The following PLXNA4 variants were observed in gnomAD, a reference collection of about 807,000 sequenced individuals.
The protein encoded by PLXNA4 is plexin-A4.
A neutral mutation model predicts 191.8 loss-of-function variants in PLXNA4; 44 were observed. The ratio of observed to expected loss-of-function variants is 0.23; its 90% CI spans 0.18 to 0.29. The LOEUF is 0.29. PLXNA4 is among the 10% of genes least tolerant of loss of function. The pLI, the probability that PLXNA4 is intolerant of heterozygous loss-of-function variation, is 1.00. For synonymous variants in PLXNA4, 1,082 were observed against 1,009.5 expected, an observed-to-expected ratio of 1.07 and a Z score of -1.36; for missense variants, 1,800 against 2,488.8, an observed-to-expected ratio of 0.72 and a Z score of 5.89.
At chr7:132,150,306 G>A (rs543804601) in intron 25 of PLXNA4, among the ~76,000 whole-genome samples, 1 of 152,286 alleles carries the variant, frequency 6.6e-6, no homozygotes, top group Non-Finnish European at 1.5e-5. Flanking sequence ...TTATTTTATG[G>A]AGGTATGCAT....
intron 1 of PLXNA4, among the ~76,000 whole-genome samples, chr7:132,535,363 G>A (rs1051672618): frequency 6.6e-6 from 1 of 152,224 alleles, no homozygotes; most frequent in Non-Finnish European, 1.5e-5. Flanking sequence ...CAGAGGCAGA[G>A]GAGGGGCTGT....
At chr7:132,572,690 G>A (rs1004470018) in intron 1 of PLXNA4, among the ~76,000 whole-genome samples, 18 of 152,252 alleles carry the variant, frequency 1.2e-4, no homozygotes, top group Non-Finnish European at 2.1e-4. Context: ...CCTTCCTACC[G>A]CAACTTGAAT....
chr7:132,536,794 C>T (rs1215218102), intron 1 of PLXNA4, among the ~76,000 whole-genome samples: 1 of 152,198 alleles, frequency 6.6e-6, no homozygotes, highest in Non-Finnish European at 1.5e-5. Flanking sequence ...CTGCCCTAAA[C>T]GTATGGCTGA....
chr7:132,572,115 C>A (rs1191187213), intron 1 of PLXNA4, among the ~76,000 whole-genome samples: 1 of 152,192 alleles, frequency 6.6e-6, no homozygotes, highest in East Asian at 1.9e-4. Flanking sequence ...GGCAGCAGTA[C>A]AGTGAGCACA....
At chr7:132,401,438 C>T (rs532028734) in intron 3 of PLXNA4, among the ~76,000 whole-genome samples, 1 of 152,324 alleles carries the variant, frequency 6.6e-6, no homozygotes, top group Admixed American at 6.5e-5. Context: ...AACCTTTGCT[C>T]ATGAAGGTTG....
intron 2 of PLXNA4, among the ~76,000 whole-genome samples, chr7:132,595,781 G>C (rs771718972): frequency 2.0e-5 from 3 of 152,124 alleles, no homozygotes; most frequent in Non-Finnish European, 2.9e-5. Flanking sequence ...AACTGTTTAA[G>C]ATTAATAAAA....
Position 132,129,489 on chromosome 7 carries a change from T to C in PLXNA4, c.*990A>G, listed in dbSNP as rs915937934. 2 of 152,236 alleles carry C rather than the reference T, an allele frequency of 1.3e-5. No individual in the cohort carries two copies. The highest frequency in any genetic ancestry group is 2.9e-5 in the Non-Finnish European group (2 of 68,088). 9.4% of individuals were successfully genotyped at this position (152,236 alleles called of 1,614,324 possible). On this transcript the variant is annotated 3_prime_UTR_variant, in exon 32 of 32. Coordinates refer to ENST00000321063, the MANE Select transcript of PLXNA4 (RefSeq NM_020911.2). ...TCCTAGATGCACTCTGCATTTCACG[T>C]TGACCCTTGATGAAGGTTGACAAAG...
At chr7:132,134,581 G>A (rs1177379739) in intron 30 of PLXNA4, among the ~76,000 whole-genome samples, 3 of 152,178 alleles carry the variant, frequency 2.0e-5, no homozygotes, top group Admixed American at 2.0e-4. Flanking sequence ...GTGCTCCCTG[G>A]CAAGGGAAGG....
intron 3 of PLXNA4, among the ~76,000 whole-genome samples, chr7:132,351,577 A>G (rs1803487846): frequency 6.6e-6 from 1 of 152,216 alleles, no homozygotes; most frequent in Admixed American, 6.5e-5. Flanking sequence ...TCTCATCCAA[A>G]GGTGCATGCC....
At chr7:132,248,958 C>T (rs1799152301) in intron 4 of PLXNA4, among the ~76,000 whole-genome samples, 1 of 152,226 alleles carries the variant, frequency 6.6e-6, no homozygotes, top group Non-Finnish European at 1.5e-5. Flanking sequence ...GCTAATCCAG[C>T]TGGGCCTCAC....
At chr7:132,554,278 G>A (rs1474187482) in intron 1 of PLXNA4, among the ~76,000 whole-genome samples, 1 of 152,174 alleles carries the variant, frequency 6.6e-6, no homozygotes, top group African/African-American at 2.4e-5. Flanking sequence ...GTGTGACAAT[G>A]AGGTGCCCCT....
chr7:132,563,568 TTCATCC>T (rs1801487270), intron 1 of PLXNA4, among the ~76,000 whole-genome samples: 1 of 70,926 alleles, frequency 1.4e-5, no homozygotes, highest in African/African-American at 5.2e-5. Flanking sequence ...CCTTCTCCTC[TTCATCC>T]TCCTCCTCCT....
chr7:132,615,430 T>C (rs1212685601), intron 2 of PLXNA4, among the ~76,000 whole-genome samples: 1 of 152,052 alleles, frequency 6.6e-6, no homozygotes, highest in African/African-American at 2.4e-5. Context: ...CTGGGGCTGC[T>C]CCCACCACCG....
chr7:132,198,403 C>G (rs1584830308), intron 13 of PLXNA4, 82 bp downstream of exon 13: 1 of 1,518,648 alleles, frequency 6.6e-7, no homozygotes, highest in East Asian at 2.3e-5. Context: ...TCTGAGAGCA[C>G]CTAGTTGCTG....
At chr7:132,523,944 C>G (rs1799294277) in intron 1 of PLXNA4, among the ~76,000 whole-genome samples, 1 of 152,184 alleles carries the variant, frequency 6.6e-6, no homozygotes, top group African/African-American at 2.4e-5. Flanking sequence ...GAGGGCCCAC[C>G]TGGCCCAGGT....
At chr7:132,440,130 A>G (rs1292484011) in intron 3 of PLXNA4, among the ~76,000 whole-genome samples, 2 of 152,156 alleles carry the variant, frequency 1.3e-5, no homozygotes, top group Admixed American at 6.5e-5. Context: ...ACAAAAACAA[A>G]TTTTGAGCTT....
chr7:132,257,471 G>A (rs1799473200), intron 4 of PLXNA4, among the ~76,000 whole-genome samples: 1 of 152,156 alleles, frequency 6.6e-6, no homozygotes, highest in South Asian at 2.1e-4. Flanking sequence ...ACCCAGCAGG[G>A]GCTGGTATGT....
intron 10 of PLXNA4, among the ~76,000 whole-genome samples, chr7:132,209,823 G>A (rs940598278): frequency 6.6e-6 from 1 of 152,180 alleles, no homozygotes. Flanking sequence ...ATAGGAAGCA[G>A]TGTGACATAG....
At chr7:132,176,744 G>A (rs1796477961) in intron 20 of PLXNA4, among the ~76,000 whole-genome samples, 1 of 152,128 alleles carries the variant, frequency 6.6e-6, no homozygotes, top group Non-Finnish European at 1.5e-5. Flanking sequence ...GTGTGTGAAT[G>A]TGAGTGCCTG....
Sources: allele counts gnomAD v4.1 joint callset (sites outside exome capture counted in the v4.1 genomes callset), GRCh38; gene constraint gnomAD v4.1.1; transcripts MANE v1.5; gene names NCBI Gene and HGNC (gene_info 2026-07-23, HGNC 2026-07-21).